The following PRKCH variants were observed in gnomAD, a reference collection of about 807,000 sequenced individuals.
PRKCH encodes protein kinase C eta type.
Under a neutral mutation model 82.5 loss-of-function variants are expected in PRKCH, and 28 were observed. That is an observed-to-expected ratio of 0.34 (90% CI 0.25 to 0.47). The LOEUF is 0.47. Ranked by LOEUF, PRKCH falls within the 20% of genes least tolerant of loss-of-function variation. The probability of loss-of-function intolerance (pLI) is 1.00; values close to 1 mark genes in which losing one functional copy is unlikely to be tolerated. For missense variants in PRKCH, 705 were observed against 881.8 expected, an observed-to-expected ratio of 0.80 and a Z score of 2.54; for synonymous variants, 322 against 327.4, an observed-to-expected ratio of 0.98 and a Z score of 0.18.
chr14:61,512,935 G>A (rs1039269965), intron 10 of PRKCH, among the ~76,000 whole-genome samples: 1 of 151,500 alleles, frequency 6.6e-6, no homozygotes, highest in African/African-American at 2.4e-5. Flanking sequence ...TTCCACCTCA[G>A]TCTCCCAAGT....
chr14:61,247,730 C>A (rs2044898439), intron 1 of PRKCH, among the ~76,000 whole-genome samples: 2 of 44,570 alleles, frequency 4.5e-5, no homozygotes, highest in African/African-American at 9.0e-5. Context: ...AGTGAGACTC[C>A]ATCTCAAAAA....
rs1198716028 is a variant in PRKCH at position 61,550,507 on chromosome 14, T to C, written c.*676T>C. On this transcript the variant is annotated 3_prime_UTR_variant, in exon 14 of 14. Transcript: ENST00000332981. ...AAAGGTGCCACAATGCCCAGTATTG[T>C]AAACAACAGGTTTGCATTCATGAAG... is the stretch of plus-strand genomic sequence containing the variant. 6.5e-6 allele frequency: 1 copy of C among 152,710 alleles called. No homozygotes were observed. The highest frequency in any genetic ancestry group is 1.5e-5 in the Non-Finnish European group (1 of 68,054). 9.5% of individuals were successfully genotyped at this position (152,710 alleles called of 1,614,324 possible).
At chr14:61,485,222 C>T (rs17098504) in intron 9 of PRKCH, among the ~76,000 whole-genome samples, 2,777 of 152,208 alleles carry the variant, frequency 0.018, 84 homozygotes, top group African/African-American at 0.061. Flanking sequence ...AGAGCTGGAA[C>T]TCGAGTCAAA....
intron 1 of PRKCH, among the ~76,000 whole-genome samples, chr14:61,375,217 C>A (rs111366338): frequency 3.9e-5 from 6 of 152,022 alleles, no homozygotes; most frequent in African/African-American, 1.5e-4. Flanking sequence ...CCAGTAAGTT[C>A]CTCAGTCTCC....
intron 9 of PRKCH, among the ~76,000 whole-genome samples, chr14:61,462,621 T>A (rs1277863218): frequency 6.6e-6 from 1 of 152,244 alleles, no homozygotes; most frequent in East Asian, 1.9e-4. Flanking sequence ...CAGAAAGTGT[T>A]ACTTGCTATG....
At chr14:61,485,472 C>T in intron 9 of PRKCH, 30 bp from the exon 10 acceptor site, 3 of 1,609,772 alleles carry the variant, frequency 1.9e-6, no homozygotes, top group Non-Finnish European at 2.5e-6. Flanking sequence ...TGCTACACCA[C>T]ATTGGGCCCT....
At chr14:61,328,256 C>CAAAAAAAAAAAAAAAAAAAAAAAAAAAAA in intron 1 of PRKCH, among the ~76,000 whole-genome samples, 1 of 74,378 alleles carries the variant, frequency 1.3e-5, no homozygotes. Context: ...GACTCCGTCT[C>CAAAAAAAAAAAAAAAAAAAAAAAAAAAAA]AAAAAAAAAA....
At chr14:61,237,513 T>G (rs1320266851) in intron 1 of PRKCH, among the ~76,000 whole-genome samples, 1 of 152,228 alleles carries the variant, frequency 6.6e-6, no homozygotes, top group African/African-American at 2.4e-5. Context: ...ATTTACAATC[T>G]ATTCTCTCTG....
intron 9 of PRKCH, among the ~76,000 whole-genome samples, chr14:61,479,640 C>G (rs79346645): frequency 3.0e-4 from 45 of 152,202 alleles, no homozygotes; most frequent in Non-Finnish European, 2.1e-4. Flanking sequence ...TAACTCCTAT[C>G]GAACAGCCCT....
rs117625532 is a variant in PRKCH at position 61,284,099 on chromosome 14, C to T, written c.-19+96431C>T. 9.8e-3 allele frequency among the ~76,000 whole-genome samples: 1,500 copies of T among 152,292 alleles called. 22 individuals are homozygous for T. The highest frequency in any genetic ancestry group is 0.067 in the East Asian group (348 of 5,182). On this transcript the variant is annotated intron_variant, in intron 1 of 3. Coordinates refer to the PRKCH transcript ENST00000555185. ...AGGCTGGAGACGCTGATCCACCAGCCAGAGCCACTGGTTTCAGAGAACAGG... is the reference window on the plus strand; with the variant it reads ...AGGCTGGAGACGCTGATCCACCAGCTAGAGCCACTGGTTTCAGAGAACAGG...
At chr14:61,547,953 G>A (rs955829598) in intron 13 of PRKCH, 67 bp downstream of exon 13, 120 of 1,569,692 alleles carry the variant, frequency 7.6e-5, no homozygotes, top group South Asian at 1.7e-4. Flanking sequence ...ACCAAAGTCC[G>A]TAGAAGAGCT....
intron 1 of PRKCH, among the ~76,000 whole-genome samples, chr14:61,383,618 A>T (rs2046543714): frequency 6.6e-6 from 1 of 151,994 alleles, no homozygotes; most frequent in Non-Finnish European, 1.5e-5. Context: ...CTGTAGCCCT[A>T]GGAGCTCCTC....
At chr14:61,221,204 T>G (rs1475083807) in intron 1 of PRKCH, among the ~76,000 whole-genome samples, 1 of 152,196 alleles carries the variant, frequency 6.6e-6, no homozygotes, top group Non-Finnish European at 1.5e-5. Context: ...GCCCACGGGT[T>G]ACCGAGAATG....
chr14:61,430,472 G>GA (rs1883330519), intron 2 of PRKCH, among the ~76,000 whole-genome samples: 1 of 152,162 alleles, frequency 6.6e-6, no homozygotes, highest in Non-Finnish European at 1.5e-5. Context: ...GACAAATGAA[G>GA]CATATCTCTG....
chr14:61,420,911 T>C (rs1245369374), intron 2 of PRKCH, among the ~76,000 whole-genome samples: 2 of 152,106 alleles, frequency 1.3e-5, no homozygotes, highest in African/African-American at 2.4e-5. Context: ...CTTAGGAACT[T>C]GGGTAAGGGA....
chr14:61,203,091 T>A (rs2044495028), intron 1 of PRKCH, among the ~76,000 whole-genome samples: 1 of 152,242 alleles, frequency 6.6e-6, no homozygotes, highest in African/African-American at 2.4e-5. Flanking sequence ...CATTTCCCTC[T>A]TACCCACGAA....
At position 61,280,398 on chromosome 14, in the gene PRKCH, G is replaced by C. The variant is rs749820105; in HGVS notation, c.-19+92730G>C. The C allele has an allele frequency of 1.2e-6, 2 of 1,614,020 alleles. No homozygotes were observed. The highest frequency in any genetic ancestry group is 4.5e-5 in the East Asian group (2 of 44,868). On this transcript the variant is annotated intron_variant, in intron 1 of 3. Coordinates refer to the PRKCH transcript ENST00000555185. The surrounding 1 kb of genome is among the most constrained non-coding windows in gnomAD (Gnocchi z 5.0). ...GCGCCGCCGTGCGCATCCACACCAC[G>C]AAGTCCTGATTGATGAAGCCGGTGT... is the stretch of plus-strand genomic sequence containing the variant.
intron 7 of PRKCH, 161 bp from the exon 8 acceptor site, chr14:61,457,015 G>A: frequency 2.9e-6 from 2 of 682,092 alleles, no homozygotes; most frequent in Non-Finnish European, 2.5e-6. Flanking sequence ...GATACTGAGG[G>A]AGTTTCGAGT....
chr14:61,549,786 T>A lies in PRKCH; in HGVS notation c.2007T>A (p.Asp669Glu). 3 of 1,614,090 alleles carry A rather than the reference T, an allele frequency of 1.9e-6. No homozygotes were observed. Among genetic ancestry groups the A allele is most frequent in the Non-Finnish European group, 2.5e-6 (3 of 1,180,006 alleles). Residue 669 changes from aspartate (D) to glutamate (E), a missense_variant, in exon 14 of 14, where the codon GAT becomes GAA. Asp to Glu is a conservative substitution (Grantham distance 45). Coordinates refer to ENST00000332981, the MANE Select transcript of PRKCH (RefSeq NM_006255.5). ...GACATCTTCCAATGATTAACCAGGA[T>A]GAGTTTAGAAACTTTTCCTATGTGT... is the stretch of plus-strand genomic sequence containing the variant. ...DEGHLPMINQDEFRNFSYVSP... is the reference protein window; with the variant it reads ...DEGHLPMINQEEFRNFSYVSP...
Sources: allele counts gnomAD v4.1 joint callset (sites outside exome capture counted in the v4.1 genomes callset), GRCh38; gene constraint gnomAD v4.1.1; non-coding constraint Gnocchi (gnomAD v3.1); transcripts MANE v1.5; gene names NCBI Gene and HGNC (gene_info 2026-07-23, HGNC 2026-07-21).